Variants in HMCN1 observed in about 807,000 individuals in gnomAD.
The protein encoded by HMCN1 is hemicentin-1.
Under a neutral mutation model 625.9 loss-of-function variants are expected in HMCN1, and 321 were observed. That is an observed-to-expected ratio of 0.51 (90% CI 0.47 to 0.56). The LOEUF (loss-of-function observed/expected upper bound fraction) is 0.56. HMCN1 is among the 20% of genes least tolerant of loss of function. The probability of loss-of-function intolerance (pLI) is 0.00; values close to 1 mark genes in which losing one functional copy is unlikely to be tolerated. For missense variants in HMCN1, 6,588 were observed against 6,887.3 expected (o/e 0.96, Z 1.54); for synonymous variants, 2,425 against 2,417.6 (o/e 1.00, Z -0.09).
At position 185,990,326 on chromosome 1, in the gene HMCN1, T is replaced by C. The variant is rs1348498640; in HGVS notation, c.3260T>C (p.Val1087Ala). Residue 1087 changes from valine (V) to alanine (A), a missense_variant, in exon 22 of 107, where the codon GTT (valine) becomes GCT (alanine). Physicochemically the swap from Val to Ala is moderately conservative, Grantham distance 64 (BLOSUM62 0). Transcript: ENST00000271588. ...DQRGLSQDKPVEISVLAGEEV... is the reference protein window; with the variant it reads ...DQRGLSQDKPAEISVLAGEEV... ...CGAGGACTGTCCCAGGATAAGCCTG[T>C]TGAGATCTCCGTCCTTGCAGGGGAA... The C allele has an allele frequency of 1.2e-6, 2 of 1,613,882 alleles. No homozygotes were observed. The highest frequency in any genetic ancestry group is 1.7e-6 in the Non-Finnish European group (2 of 1,179,840).
chr1:185,741,013 A>C (rs1168155114), intron 1 of HMCN1, among the ~76,000 whole-genome samples: 3 of 152,078 alleles, frequency 2.0e-5, no homozygotes, highest in Non-Finnish European at 2.9e-5. Context: ...AACGAAAACA[A>C]AAACAAAAAC....
chr1:185,869,711 T>G (rs998570710), intron 4 of HMCN1, among the ~76,000 whole-genome samples: 1 of 152,138 alleles, frequency 6.6e-6, no homozygotes, highest in Non-Finnish European at 1.5e-5. Flanking sequence ...ATTTGCAAAA[T>G]TTTTGGCATG....
intron 1 of HMCN1, among the ~76,000 whole-genome samples, chr1:185,818,123 C>T (rs935794597): frequency 6.6e-6 from 1 of 152,112 alleles, no homozygotes; most frequent in African/African-American, 2.4e-5. Context: ...TCTATCTGCA[C>T]CTAGATATAT....
At chr1:186,093,720 G>A (rs1659971923) in intron 66 of HMCN1, 51 bp downstream of exon 66, 1 of 1,606,900 alleles carries the variant, frequency 6.2e-7, no homozygotes, top group African/African-American at 1.3e-5. Context: ...AACTGTGATT[G>A]TAGACTTTTC....
chr1:186,062,736 G>A, intron 48 of HMCN1, 136 bp downstream of exon 48: 2 of 692,936 alleles, frequency 2.9e-6, no homozygotes, highest in South Asian at 3.1e-5. Context: ...ATTGAGTACT[G>A]GTGAAGTCTC....
chr1:186,076,697 G>T, intron 54 of HMCN1, 75 bp downstream of exon 54: 2 of 1,435,236 alleles, frequency 1.4e-6, no homozygotes, highest in Non-Finnish European at 9.7e-7. Context: ...TAGACGAATT[G>T]AATTGGTTGG....
chr1:185,971,916 A>G (rs887183657), intron 15 of HMCN1, among the ~76,000 whole-genome samples: 2 of 152,174 alleles, frequency 1.3e-5, no homozygotes, highest in Admixed American at 6.5e-5. Flanking sequence ...CTCTGTGGTT[A>G]TTAAGAGAAA....
intron 1 of HMCN1, among the ~76,000 whole-genome samples, chr1:185,796,680 C>T (rs113486830): frequency 4.2e-4 from 64 of 152,060 alleles, no homozygotes; most frequent in African/African-American, 1.5e-3. Context: ...ACACTTTACA[C>T]ATACATATGT....
chr1:185,962,090 T>C (rs1246560314), intron 11 of HMCN1, among the ~76,000 whole-genome samples: 2 of 152,086 alleles, frequency 1.3e-5, no homozygotes, highest in Non-Finnish European at 2.9e-5. Flanking sequence ...AAAAGAAAGA[T>C]CAGGTTGAAC....
At chr1:185,737,559 G>A (rs1386726663) in intron 1 of HMCN1, among the ~76,000 whole-genome samples, 1 of 152,144 alleles carries the variant, frequency 6.6e-6, no homozygotes, top group Non-Finnish European at 1.5e-5. Context: ...AATTCTATGT[G>A]AATATCTCTT....
intron 1 of HMCN1, among the ~76,000 whole-genome samples, chr1:185,784,551 G>A (rs538163010): frequency 6.6e-6 from 1 of 152,004 alleles, no homozygotes; most frequent in African/African-American, 2.4e-5. Flanking sequence ...TAAGTGGGTT[G>A]GTTTTGATAG....
At chr1:186,088,573 TTA>T (rs776163673) in intron 62 of HMCN1, 31 bp from the exon 63 acceptor site, 1 of 1,604,440 alleles carries the variant, frequency 6.2e-7, no homozygotes, top group Non-Finnish European at 8.5e-7. Context: ...AAAGGTTTTT[TTA>T]TGTTTTATTG....
At chr1:185,787,141 ATGTGTG>A (rs375544191) in intron 1 of HMCN1, among the ~76,000 whole-genome samples, 1,505 of 141,318 alleles carry the variant, frequency 0.011, 17 homozygotes, top group African/African-American at 0.036. Context: ...GCCATGATGT[ATGTGTG>A]TGTGTGTGTG....
intron 83 of HMCN1, 84 bp downstream of exon 83, chr1:186,128,375 T>C: frequency 2.7e-6 from 3 of 1,131,738 alleles, no homozygotes; most frequent in South Asian, 2.5e-5. Context: ...GCTGTGAAAA[T>C]TGAAAAGTAA....
chr1:186,088,679 A>G lies in HMCN1; in HGVS notation c.9651A>G (p.Ser3217=). Residue 3217 remains serine, a synonymous_variant, in exon 63 of 107, where the codon TCA becomes TCG. Transcript: ENST00000271588. ...SKLQIARSQH[S]DSGNYTCIAS... ...TCCAGATTGCCCGGTCTCAGCATTC[A>G]GATAGTGGAAACTATACATGTATTG... The G allele has an allele frequency of 1.2e-6, 2 of 1,611,910 alleles. No individual in the cohort carries two copies. Among genetic ancestry groups the G allele is most frequent in the South Asian group, 2.2e-5 (2 of 90,936 alleles).
At position 186,086,287 on chromosome 1, in the gene HMCN1, G is replaced by C. The variant is rs772967670; in HGVS notation, c.8926G>C (p.Val2976Leu). 11 of 1,613,054 alleles carry C rather than the reference G, an allele frequency of 6.8e-6. No individual in the cohort carries two copies. Among genetic ancestry groups the C allele is most frequent in the Non-Finnish European group, 9.3e-6 (11 of 1,179,326 alleles). The part of the protein sequence containing the change: ...VIGPKSENLT[V>L]VVNNFISLTC... ...TGGTCCTAAATCTGAAAATCTTACCGTCGTGGTGAACAATTTCATCTCTTT... is the reference window on the plus strand; with the variant it reads ...TGGTCCTAAATCTGAAAATCTTACCCTCGTGGTGAACAATTTCATCTCTTT... The change falls in exon 58 of 107, where the codon GTC becomes CTC. Residue 2976 changes from valine (V) to leucine (L), a missense_variant. This residue lies in a region of HMCN1 where 4,628 missense variants were observed against 4,853.1 expected (regional missense o/e 0.95). Coordinates refer to ENST00000271588, the MANE Select transcript of HMCN1 (RefSeq NM_031935.3).
At chr1:185,924,767 A>G (rs532429465) in intron 8 of HMCN1, among the ~76,000 whole-genome samples, 106 of 152,116 alleles carry the variant, frequency 7.0e-4, no homozygotes, top group African/African-American at 2.4e-3. Context: ...TATTTTTTCT[A>G]TCTTGGTGGT....
intron 4 of HMCN1, among the ~76,000 whole-genome samples, chr1:185,866,595 A>T (rs1252734981): frequency 2.6e-5 from 4 of 151,188 alleles, no homozygotes; most frequent in African/African-American, 9.7e-5. Context: ...TTTAGTAGAG[A>T]CGGGGTTTCA....
At chr1:185,906,544 A>G (rs1666104556) in intron 4 of HMCN1, among the ~76,000 whole-genome samples, 1 of 151,906 alleles carries the variant, frequency 6.6e-6, no homozygotes, top group South Asian at 2.1e-4. Flanking sequence ...ATGTGTAACT[A>G]ACAGACAACA....
Sources: allele counts gnomAD v4.1 joint callset (sites outside exome capture counted in the v4.1 genomes callset), GRCh38; gene constraint gnomAD v4.1.1; regional missense constraint gnomAD v4.1.1; transcripts MANE v1.5; gene names NCBI Gene and HGNC (gene_info 2026-07-23, HGNC 2026-07-21).